BEGAIN: variants seen among roughly 807,000 people sequenced by gnomAD.
BEGAIN encodes the protein brain enriched guanylate kinase associated, also known as brain-enriched guanylate kinase-associated protein.
BEGAIN carries 19 observed loss-of-function variants against 35.8 expected under a neutral mutation model. The ratio of observed to expected loss-of-function variants is 0.53; its 90% CI spans 0.37 to 0.78. The LOEUF is 0.78. BEGAIN is among the 30% of genes least tolerant of loss of function. BEGAIN has a pLI of 0.00. For synonymous variants in BEGAIN, 462 were observed against 388.6 expected, an observed-to-expected ratio of 1.19 and a Z score of -2.22; for missense variants, 795 against 853.6, an observed-to-expected ratio of 0.93 and a Z score of 0.85.
rs1161351042 is a variant in BEGAIN at position 100,558,941 on chromosome 14, C to T, written c.71+8970G>A. Reference sequence around the variant, plus strand: ...GGAGCATGCCGGTGGGGCCAGGGCGCGTCCTGGAGATTGGTGTGGCCGGAG... The same window carrying T: ...GGAGCATGCCGGTGGGGCCAGGGCGTGTCCTGGAGATTGGTGTGGCCGGAG... On this transcript the variant is annotated intron_variant, in intron 2 of 6. Transcript: ENST00000554140. This position sits in a 1 kb window ranked among gnomAD's most constrained non-coding sequence, Gnocchi z 4.6. Among the ~76,000 whole-genome samples, 4 of 152,028 alleles carry T rather than the reference C, an allele frequency of 2.6e-5. No individual in the cohort carries two copies. Among genetic ancestry groups the T allele is most frequent in the Admixed American group, 1.3e-4 (2 of 15,280 alleles).
At chr14:100,585,415 CCCAT>C (rs71113272) in intron 1 of BEGAIN, among the ~76,000 whole-genome samples, 21,496 of 65,802 alleles carry the variant, frequency 0.33, 4,804 homozygotes, top group Middle Eastern at 0.48. Flanking sequence ...CTCCCTCCCT[CCCAT>C]CCATCCATCC....
At position 100,558,608 on chromosome 14, in the gene BEGAIN, G is replaced by A. The variant is rs77688823; in HGVS notation, c.71+9303C>T. 1.2e-3 allele frequency among the ~76,000 whole-genome samples: 182 copies of A among 152,268 alleles called. 2 individuals carry two copies. The highest frequency in any genetic ancestry group is 4.1e-3 in the African/African-American group (170 of 41,544). ...CATGGGCAGCACAGATCTGCTGGGC[G>A]CAGCTGAGCTCCCATCGCCCCTACA... On this transcript the variant is annotated intron_variant, in intron 2 of 6. Transcript: ENST00000554140. The surrounding 1 kb of genome is among the most constrained non-coding windows in gnomAD (Gnocchi z 4.6).
rs550973938 is a variant in BEGAIN at position 100,560,848 on chromosome 14, C to G, written c.71+7063G>C. On this transcript the variant is annotated intron_variant, in intron 2 of 6. Coordinates refer to ENST00000554140, the MANE Select transcript of BEGAIN (RefSeq NM_001385089.1). ...CCTGCAACTCTGTCCTGCTGCTGCTCAGGACAGACACGAGCTGCCCTCGAC... is the reference window on the plus strand; with the variant it reads ...CCTGCAACTCTGTCCTGCTGCTGCTGAGGACAGACACGAGCTGCCCTCGAC... Among the ~76,000 whole-genome samples, 6 of 152,326 alleles carry G rather than the reference C, an allele frequency of 3.9e-5. No individual in the cohort carries two copies. In the South Asian group the frequency reaches 8.3e-4, roughly 21 times the overall value.
rs2035446888 is a variant in BEGAIN, at chr14:100,586,458, G to A, written c.42+791C>T. ...CATTCTGCCGGCTCAGGAGACTCCA[G>A]CGCGTCGCCCACGCTGTTCCTGCCC... On this transcript the variant is annotated intron_variant, in intron 1 of 6. Coordinates refer to ENST00000554140, the MANE Select transcript of BEGAIN (RefSeq NM_001385089.1). The surrounding 1 kb of genome is among the most constrained non-coding windows in gnomAD (Gnocchi z 4.9). 1.3e-5 allele frequency among the ~76,000 whole-genome samples: 2 copies of A among 152,186 alleles called. No individual in the cohort carries two copies. The highest frequency in any genetic ancestry group is 4.1e-4 in the South Asian group (2 of 4,828).
Position 100,586,188 on chromosome 14 carries a change from GTC to G in BEGAIN, c.42+1059_42+1060del, listed in dbSNP as rs934611091. On this transcript the variant is annotated intron_variant, in intron 1 of 6. Transcript: ENST00000554140. The surrounding 1 kb of genome is among the most constrained non-coding windows in gnomAD (Gnocchi z 4.9). ...GAGCCTGGCCCTGGGAGTAGTGGGG[GTC>G]TCTGCTGCTCTTGGCAGGCAGAGGA... Among the ~76,000 whole-genome samples the G allele has an allele frequency of 6.6e-6, 1 of 152,164 alleles. No homozygotes were observed. The highest frequency in any genetic ancestry group is 2.4e-5 in the African/African-American group (1 of 41,442).
At chr14:100,551,242 T>G (rs1209925747) in intron 2 of BEGAIN, among the ~76,000 whole-genome samples, 13 of 152,188 alleles carry the variant, frequency 8.5e-5, no homozygotes, top group Admixed American at 7.9e-4. Flanking sequence ...CCGGCCCTGC[T>G]AGGGTGTTGG....
intron 1 of BEGAIN, among the ~76,000 whole-genome samples, chr14:100,579,830 GC>G (rs1300204369): frequency 6.6e-6 from 1 of 152,100 alleles, no homozygotes; most frequent in Non-Finnish European, 1.5e-5. Context: ...TGGCTGCCAG[GC>G]CCTGGAGATT....
chr14:100,572,193 G>A (rs968929257), intron 1 of BEGAIN, among the ~76,000 whole-genome samples: 1 of 152,156 alleles, frequency 6.6e-6, no homozygotes, highest in Non-Finnish European at 1.5e-5. Flanking sequence ...TCGTATCTTC[G>A]CAGAGCTCTG....
intron 2 of BEGAIN, chr14:100,550,541 C>G (rs2033085396): frequency 5.0e-6 from 2 of 398,832 alleles, no homozygotes; most frequent in Admixed American, 8.8e-5. Context: ...CTGCTCAGAA[C>G]AGGCCGGGGT....
At chr14:100,543,709 T>G in intron 5 of BEGAIN, 149 bp downstream of exon 5, 1 of 643,766 alleles carries the variant, frequency 1.6e-6, no homozygotes, top group Admixed American at 2.5e-5. Context: ...TCCATCCACC[T>G]GTACCCTGCA....
rs1160002336 is a variant in BEGAIN, at chr14:100,567,558, AC to A, written c.71+352del. ...GGCAGTGCGGAACGGCACGAACGGA[AC>A]CCGGAGGGTCCCCGGGGACCAGCGA... is the stretch of plus-strand genomic sequence containing the variant. On this transcript the variant is annotated intron_variant, in intron 2 of 6. Transcript: ENST00000554140. The surrounding 1 kb of genome is among the most constrained non-coding windows in gnomAD (Gnocchi z 5.1). Among the ~76,000 whole-genome samples the A allele has an allele frequency of 6.6e-6, 1 of 151,760 alleles. No homozygotes were observed. The highest frequency in any genetic ancestry group is 1.5e-5 in the Non-Finnish European group (1 of 67,850).
At position 100,568,314 on chromosome 14, in the gene BEGAIN, G is replaced by GC; in HGVS notation, c.43-376dup. On this transcript the variant is annotated intron_variant, in intron 1 of 6. Transcript: ENST00000554140. The surrounding 1 kb of genome is among the most constrained non-coding windows in gnomAD (Gnocchi z 7.5). ...CGGCCGCGGCCCCGCTGCTCCCCCCGCCCCGCCCGTTAACCCTTCCTGCCC... is the reference window on the plus strand; with the variant it reads ...CGGCCGCGGCCCCGCTGCTCCCCCCGCCCCCGCCCGTTAACCCTTCCTGCCC... 6 of 181,738 alleles carry GC rather than the reference G, an allele frequency of 3.3e-5. No individual in the cohort carries two copies. The highest frequency in any genetic ancestry group is 6.2e-5 in the Admixed American group (1 of 16,054). 11.3% of individuals were successfully genotyped at this position (181,738 alleles called of 1,614,324 possible).
At chr14:100,572,681 A>C (rs1431819101) in intron 1 of BEGAIN, among the ~76,000 whole-genome samples, 1 of 152,024 alleles carries the variant, frequency 6.6e-6, no homozygotes, top group Non-Finnish European at 1.5e-5. Flanking sequence ...AGGGCTCTCA[A>C]CCTCTCTGAC....
chr14:100,582,186 C>T (rs1229764114), intron 1 of BEGAIN, among the ~76,000 whole-genome samples: 2 of 152,172 alleles, frequency 1.3e-5, no homozygotes, highest in Non-Finnish European at 2.9e-5. Flanking sequence ...CGCTCTGCTG[C>T]CAGGCTAGAG....
At chr14:100,545,324 G>C in intron 3 of BEGAIN, 1 of 1,332,770 alleles carries the variant, frequency 7.5e-7, no homozygotes, top group Non-Finnish European at 9.6e-7. Context: ...CCTGAAGATG[G>C]GAAGGGAAGG....
At position 100,538,403 on chromosome 14, in the gene BEGAIN, C is replaced by T; in HGVS notation, c.1405G>A (p.Gly469Ser). Residue 469 changes from glycine to serine, a missense_variant, in exon 7 of 7, where the codon GGC becomes AGC. Coordinates refer to ENST00000554140, the MANE Select transcript of BEGAIN (RefSeq NM_001385089.1). ...TTGCCCGGGCTGCCCCCGGCCCCGC[C>T]GTAGTAGCGTTCAGAGAAGCTGCAG... ...SPCSFSERYY[G>S]GAGGSPGKKA... 1 of 1,564,076 alleles carries T rather than the reference C, an allele frequency of 6.4e-7. No homozygotes were observed.
chr14:100,538,685 C>T lies in BEGAIN; in HGVS notation c.1123G>A (p.Val375Met), dbSNP rs780103998. The change falls in exon 7 of 7, where the codon GTG (valine) becomes ATG (methionine). Residue 375 changes from valine (V) to methionine (M), a missense_variant. By Grantham distance (21) the Val-to-Met change is conservative. Transcript: ENST00000554140. ...SPRFAKATAA[V>M]AAPLEAEVAP... Reference sequence around the variant, plus strand: ...ACTTCGGCCTCCAGCGGGGCCGCCACCGCGGCCGTGGCCTTGGCAAAGCGA... The same window carrying T: ...ACTTCGGCCTCCAGCGGGGCCGCCATCGCGGCCGTGGCCTTGGCAAAGCGA... 4 of 1,553,704 alleles carry T rather than the reference C, an allele frequency of 2.6e-6. No homozygotes were observed. The highest frequency in any genetic ancestry group is 1.9e-5 in the Admixed American group (1 of 51,308).
Position 100,567,731 on chromosome 14 carries a change from C to G in BEGAIN, c.71+180G>C, listed in dbSNP as rs1397512618. The stretch of plus-strand genomic sequence containing the variant: ...GCGGAGGAGCCCCGCGCGAGGCTCC[C>G]CAGCGCCTCGCGGCGCGCACACACG... On this transcript the variant is annotated intron_variant, in intron 2 of 6. Coordinates refer to ENST00000554140, the MANE Select transcript of BEGAIN (RefSeq NM_001385089.1). The surrounding 1 kb of genome is among the most constrained non-coding windows in gnomAD (Gnocchi z 5.1). Among the ~76,000 whole-genome samples the G allele has an allele frequency of 6.6e-6, 1 of 151,020 alleles. No individual in the cohort carries two copies. The highest frequency in any genetic ancestry group is 1.5e-5 in the Non-Finnish European group (1 of 67,642).
At chr14:100,572,245 GGCCCCCATAATGGA>G (rs1284774270) in intron 1 of BEGAIN, among the ~76,000 whole-genome samples, 1 of 152,192 alleles carries the variant, frequency 6.6e-6, no homozygotes, top group African/African-American at 2.4e-5. Context: ...GTCCTGCTGT[GGCCCCCATAATGGA>G]GCACATAAAT....
Sources: gnomAD v4.1 joint callset for allele counts (sites outside exome capture counted in the v4.1 genomes callset) on GRCh38, gnomAD v4.1.1 for gene constraint, Gnocchi (gnomAD v3.1) non-coding constraint, MANE v1.5 for transcripts, NCBI Gene and HGNC (gene_info 2026-07-23, HGNC 2026-07-21) for gene names.